The following RIMS2 variants were observed in gnomAD, a reference collection of about 807,000 sequenced individuals.
The protein encoded by RIMS2 is regulating synaptic membrane exocytosis 2, also known as regulating synaptic membrane exocytosis protein 2.
A neutral mutation model predicts 174.4 loss-of-function variants in RIMS2; 59 were observed. The ratio of observed to expected loss-of-function variants is 0.34; its 90% CI spans 0.27 to 0.42. RIMS2 has a LOEUF of 0.42. Ranked by LOEUF, RIMS2 falls within the 10% of genes least tolerant of loss-of-function variation. The probability of loss-of-function intolerance (pLI) is 1.00; values close to 1 mark genes in which losing one functional copy is unlikely to be tolerated. For synonymous variants in RIMS2, 606 were observed against 572.5 expected (o/e 1.06, Z -0.84); for missense variants, 1,620 against 1,666.3 (o/e 0.97, Z 0.48).
In RIMS2 at chr8:103,582,293, C is replaced by T. The variant is rs113050781; in HGVS notation, c.176+81231C>T. On this transcript the variant is annotated intron_variant, in intron 1 of 23. Coordinates refer to ENST00000504942, the Ensembl canonical transcript of RIMS2. ...AATAACCAGCAGCAATACTTAGGTG[C>T]TACATCGAGGACCTTGGGCGAGCCT... Among the ~76,000 whole-genome samples the T allele has an allele frequency of 7.5e-3, 1,139 of 152,252 alleles. 20 individuals are homozygous for T. The highest frequency in any genetic ancestry group is 7.3e-3 in the Non-Finnish European group (494 of 68,010).
At chr8:104,192,113 T>C (rs920631401) in intron 19 of RIMS2, among the ~76,000 whole-genome samples, 3 of 152,164 alleles carry the variant, frequency 2.0e-5, no homozygotes, top group African/African-American at 7.2e-5. Context: ...GTAAGAGTTC[T>C]CTCAACTGCA....
chr8:103,983,605 T>C (rs78792868), intron 16 of RIMS2, among the ~76,000 whole-genome samples: 1 of 152,080 alleles, frequency 6.6e-6, no homozygotes, highest in Non-Finnish European at 1.5e-5. Context: ...ACACCTACAG[T>C]GAACTCATTT....
At chr8:103,637,665 G>C (rs2096120629) in intron 1 of RIMS2, among the ~76,000 whole-genome samples, 2 of 152,038 alleles carry the variant, frequency 1.3e-5, no homozygotes, top group Non-Finnish European at 2.9e-5. Flanking sequence ...TGTTCACCTA[G>C]GTTTCTGCAG....
chr8:103,713,377 A>C (rs1417152467), intron 2 of RIMS2, among the ~76,000 whole-genome samples: 5 of 152,040 alleles, frequency 3.3e-5, no homozygotes, highest in Non-Finnish European at 7.4e-5. Flanking sequence ...GCTGAATCTC[A>C]CTTAGTCCAA....
intron 12 of RIMS2, among the ~76,000 whole-genome samples, chr8:103,932,805 T>A (rs1333111660): frequency 6.6e-6 from 1 of 152,174 alleles, no homozygotes; most frequent in Non-Finnish European, 1.5e-5. Flanking sequence ...CTCATGCCTG[T>A]AATCACAGGA....
intron 19 of RIMS2, among the ~76,000 whole-genome samples, chr8:104,240,240 T>C (rs1588098926): frequency 6.6e-6 from 1 of 152,192 alleles, no homozygotes; most frequent in Non-Finnish European, 1.5e-5. Flanking sequence ...GCAAAATCCC[T>C]TTTACCATGT....
exon 15 of RIMS2, chr8:103,961,071 A>G: frequency 6.8e-7 from 1 of 1,474,718 alleles, no homozygotes; most frequent in Non-Finnish European, 9.5e-7. Context: ...ATAGGGTCAA[A>G]GAGAATAAGT....
intron 16 of RIMS2, among the ~76,000 whole-genome samples, chr8:103,981,675 TAAC>T (rs1266565771): frequency 6.6e-6 from 1 of 152,230 alleles, no homozygotes; most frequent in East Asian, 1.9e-4. Flanking sequence ...TTGATAAATT[TAAC>T]AACGAGATTG....
chr8:103,993,239 T>A (rs1313563264), intron 17 of RIMS2, among the ~76,000 whole-genome samples: 1 of 152,328 alleles, frequency 6.6e-6, no homozygotes, highest in East Asian at 1.9e-4. Context: ...CATTTTTATG[T>A]CTATCCTGGA....
intron 19 of RIMS2, among the ~76,000 whole-genome samples, chr8:104,074,380 C>T (rs892089946): frequency 1.3e-4 from 19 of 151,936 alleles, no homozygotes; most frequent in African/African-American, 4.1e-4. Flanking sequence ...GAGGATTAAA[C>T]GAGATGATGT....
chr8:104,071,627 G>A (rs376258515), intron 19 of RIMS2, among the ~76,000 whole-genome samples: 4 of 152,160 alleles, frequency 2.6e-5, no homozygotes, highest in Middle Eastern at 3.4e-3. Context: ...TAGTAGAGAC[G>A]GGGTTTCACC....
intron 1 of RIMS2, among the ~76,000 whole-genome samples, chr8:103,614,689 A>G (rs530387973): frequency 5.0e-4 from 76 of 152,358 alleles, no homozygotes; most frequent in African/African-American, 1.6e-3. Context: ...CAAGTTTCCA[A>G]AATTAATCTT....
chr8:104,233,788 C>T (rs1472451594), intron 19 of RIMS2, among the ~76,000 whole-genome samples: 1 of 152,214 alleles, frequency 6.6e-6, no homozygotes, highest in Non-Finnish European at 1.5e-5. Flanking sequence ...AAATCAGTTT[C>T]AAGTGTGAGT....
At chr8:103,805,047 G>C (rs577519272) in intron 3 of RIMS2, among the ~76,000 whole-genome samples, 1 of 152,042 alleles carries the variant, frequency 6.6e-6, no homozygotes, top group Admixed American at 6.6e-5. Flanking sequence ...TCCTGCCTTG[G>C]CCTCTTAAAG....
chr8:103,579,922 A>G (rs1413447383), intron 1 of RIMS2, among the ~76,000 whole-genome samples: 1 of 152,188 alleles, frequency 6.6e-6, no homozygotes, highest in Non-Finnish European at 1.5e-5. Flanking sequence ...GTGAAGACGG[A>G]GATGCTGCAC....
intron 3 of RIMS2, among the ~76,000 whole-genome samples, chr8:103,774,394 A>G (rs1440975701): frequency 6.6e-6 from 1 of 152,242 alleles, no homozygotes; most frequent in Non-Finnish European, 1.5e-5. Flanking sequence ...TAGCAGTCTC[A>G]TTCATAGAAT....
At chr8:104,113,756 A>G (rs1384346442) in intron 19 of RIMS2, among the ~76,000 whole-genome samples, 6 of 151,800 alleles carry the variant, frequency 4.0e-5, no homozygotes, top group African/African-American at 1.5e-4. Context: ...ATTTTTTCAT[A>G]GAGCTTTTAT....
intron 2 of RIMS2, among the ~76,000 whole-genome samples, chr8:103,703,391 C>T (rs1286480711): frequency 2.6e-5 from 4 of 152,094 alleles, no homozygotes; most frequent in Non-Finnish European, 4.4e-5. Flanking sequence ...TCGTACACCA[C>T]CATACCCAGC....
chr8:103,737,083 A>C (rs1405600363), intron 2 of RIMS2, among the ~76,000 whole-genome samples: 1 of 151,576 alleles, frequency 6.6e-6, no homozygotes, highest in Non-Finnish European at 1.5e-5. Context: ...CAAACTTAAT[A>C]TGCATCCCCT....
Sources: allele counts gnomAD v4.1 joint callset (sites outside exome capture counted in the v4.1 genomes callset), GRCh38; gene constraint gnomAD v4.1.1; transcripts MANE v1.5; gene names NCBI Gene and HGNC (gene_info 2026-07-23, HGNC 2026-07-21).